Variants in NISCH observed in about 807,000 individuals in gnomAD.
NISCH encodes the protein nischarin.
Under a neutral mutation model 138.4 loss-of-function variants are expected in NISCH, and 55 were observed. That is an observed-to-expected ratio of 0.40 (90% CI 0.32 to 0.50). The LOEUF is 0.50. Ranked by LOEUF, NISCH falls within the 20% of genes least tolerant of loss-of-function variation. The pLI, the probability that NISCH is intolerant of heterozygous loss-of-function variation, is 0.71. For missense variants in NISCH, 1,643 were observed against 2,005.5 expected (o/e 0.82, Z 3.45); for synonymous variants, 860 against 861.5 (o/e 1.00, Z 0.03).
chr3:52,461,875 A>G (rs1190130326), intron 3 of NISCH, among the ~76,000 whole-genome samples: 1 of 152,066 alleles, frequency 6.6e-6, no homozygotes, highest in Non-Finnish European at 1.5e-5. Context: ...AAAAAAAAAA[A>G]AAAGAAATAT....
intron 5 of NISCH, 52 bp downstream of exon 5, chr3:52,472,029 A>G (rs1289349997): frequency 6.6e-7 from 1 of 1,517,596 alleles, no homozygotes; most frequent in Non-Finnish European, 8.9e-7. Flanking sequence ...GTGGGGGTGC[A>G]ACCTGCGGGG....
intron 6 of NISCH, 45 bp downstream of exon 6, chr3:52,472,443 G>T (rs1407252805): frequency 6.6e-7 from 1 of 1,509,670 alleles, no homozygotes; most frequent in Admixed American, 1.7e-5. Context: ...CCAACTCAGA[G>T]GCTAGAGAGT....
intron 8 of NISCH, 97 bp from the exon 9 acceptor site, chr3:52,477,477 G>C (rs577374147): frequency 2.0e-6 from 2 of 988,404 alleles, no homozygotes; most frequent in African/African-American, 3.2e-5. Context: ...GTCCATGGTC[G>C]GGAGGAAGCG....
chr3:52,466,744 G>A (rs1459990685), intron 3 of NISCH, among the ~76,000 whole-genome samples: 1 of 152,056 alleles, frequency 6.6e-6, no homozygotes, highest in Non-Finnish European at 1.5e-5. Context: ...GGTTTGCATT[G>A]AGTGTAGGTG....
intron 6 of NISCH, 50 bp downstream of exon 6, chr3:52,472,448 G>A: frequency 2.0e-6 from 3 of 1,497,040 alleles, no homozygotes; most frequent in Non-Finnish European, 2.8e-6. Flanking sequence ...TCAGAGGCTA[G>A]AGAGTGTTTG....
At position 52,487,904 on chromosome 3, in the gene NISCH, C is replaced by T. The variant is rs17052200; in HGVS notation, c.2412C>T (p.His804=). The change falls in exon 16 of 21, where the codon CAC becomes CAT. Residue 804 remains histidine, a synonymous_variant. Transcript: ENST00000345716. The surrounding 1 kb of genome is among the most constrained non-coding windows in gnomAD (Gnocchi z 9.1). ...ISDAANLHEF[H]ADLRSCFAPQ... is the part of the protein sequence containing the mutation. ...ACGCCGCCAACCTGCACGAGTTCCA[C>T]GCGGACCTGCGCTCATGCTTTGCAC... 0.015 allele frequency: 24,142 copies of T among 1,611,806 alleles called. 368 individuals are homozygous for T. Among genetic ancestry groups the T allele is most frequent in the South Asian group, 0.053 (4,843 of 91,052 alleles).
At chr3:52,472,445 C>A in intron 6 of NISCH, 47 bp downstream of exon 6, 1 of 1,502,252 alleles carries the variant, frequency 6.7e-7, no homozygotes, top group Non-Finnish European at 9.3e-7. Flanking sequence ...AACTCAGAGG[C>A]TAGAGAGTGT....
intron 3 of NISCH, 34 bp from the exon 4 acceptor site, chr3:52,470,825 G>A (rs760603755): frequency 4.9e-5 from 79 of 1,608,756 alleles, no homozygotes; most frequent in Non-Finnish European, 6.5e-5. Flanking sequence ...GGGTCAGGTG[G>A]ACTTTCTAAG....
At chr3:52,485,673 G>A (rs1398152984) in intron 14 of NISCH, 105 bp from the exon 15 acceptor site, 2 of 1,272,454 alleles carry the variant, frequency 1.6e-6, no homozygotes, top group African/African-American at 1.5e-5. Flanking sequence ...AGCCTCCTCA[G>A]GGCGGTGATG....
At position 52,487,611 on chromosome 3, in the gene NISCH, A is replaced by T. The variant is rs759919799; in HGVS notation, c.2119A>T (p.Ile707Phe). 1 of 1,613,918 alleles carries T rather than the reference A, an allele frequency of 6.2e-7. No individual in the cohort carries two copies. The highest frequency in any genetic ancestry group is 8.5e-7 in the Non-Finnish European group (1 of 1,179,994). The change falls in exon 16 of 21, where the codon ATC (isoleucine) becomes TTC (phenylalanine). Residue 707 changes from isoleucine (I) to phenylalanine (F), a missense_variant. By Grantham distance (21) the Ile-to-Phe change is conservative. Coordinates refer to ENST00000345716, the MANE Select transcript of NISCH (RefSeq NM_007184.4). The surrounding 1 kb of genome is among the most constrained non-coding windows in gnomAD (Gnocchi z 9.1). ...DEDFLLEHIR[I>F]LKVLWCFLIH... ...GGACTTCCTGCTGGAGCACATCCGC[A>T]TCCTCAAGGTGCTGTGGTGCTTCCT... is the stretch of plus-strand genomic sequence containing the variant.
Position 52,484,571 on chromosome 3 carries a change from G to T in NISCH, c.1587G>T (p.Leu529=), listed in dbSNP as rs376637823. The T allele has an allele frequency of 5.0e-6, 8 of 1,612,480 alleles. No homozygotes were observed. The highest frequency in any genetic ancestry group is 6.8e-6 in the Non-Finnish European group (8 of 1,179,602). ...LASSLSSTDS[L]TPEHQPIAQG... Reference sequence around the variant, plus strand: ...GCAGCCTCTCGTCCACTGACAGTCTGACTCCCGAGCACCAGCCCATTGCCC... The same window carrying T: ...GCAGCCTCTCGTCCACTGACAGTCTTACTCCCGAGCACCAGCCCATTGCCC... The change falls in exon 14 of 21, where the codon CTG becomes CTT. Residue 529 remains leucine (L), a synonymous_variant. Coordinates refer to ENST00000345716, the MANE Select transcript of NISCH (RefSeq NM_007184.4).
At chr3:52,490,863 T>A in intron 19 of NISCH, 30 bp downstream of exon 19, 1 of 1,612,776 alleles carries the variant, frequency 6.2e-7, no homozygotes, top group East Asian at 2.2e-5. Flanking sequence ...TTGTCCTATT[T>A]CGGGTGAAGG....
At chr3:52,482,266 G>A (rs976710925) in intron 13 of NISCH, among the ~76,000 whole-genome samples, 19 of 152,330 alleles carry the variant, frequency 1.2e-4, no homozygotes, top group Non-Finnish European at 2.1e-4. Flanking sequence ...CCTGATTCCC[G>A]AGAAGGGAGC....
intron 1 of NISCH, 64 bp downstream of exon 1, chr3:52,455,798 G>T (rs1352848656): frequency 1.7e-6 from 2 of 1,183,092 alleles, no homozygotes; most frequent in Non-Finnish European, 2.2e-6. Context: ...CCGACTCGGG[G>T]GCTTGGGGAG....
chr3:52,465,959 T>G (rs553335703), intron 3 of NISCH, among the ~76,000 whole-genome samples: 2 of 152,358 alleles, frequency 1.3e-5, no homozygotes, highest in African/African-American at 4.8e-5. Flanking sequence ...GAAAGGTGTT[T>G]ATATTGTTGT....
chr3:52,455,748 G>C lies in NISCH; in HGVS notation c.93+14G>C. 1 of 1,344,676 alleles carries C rather than the reference G, an allele frequency of 7.4e-7. No individual in the cohort carries two copies. Among genetic ancestry groups the C allele is most frequent in the Non-Finnish European group, 9.6e-7 (1 of 1,037,378 alleles). The allele number at this position is 1,344,676 out of a possible 1,614,324, so 83.3% of individuals were successfully genotyped here. A position where few individuals can be genotyped will look rare whatever the true frequency, so the allele number is the denominator to read the frequency against. On this transcript the variant is annotated intron_variant, in intron 1 of 20. Transcript: ENST00000345716. ...GACACTTATACGGTGTGTTGGGGGC[G>C]CGGGCACCCGAAGCGGGGGTGGTGG...
chr3:52,459,302 C>G (rs904421421), intron 3 of NISCH, among the ~76,000 whole-genome samples: 8 of 152,164 alleles, frequency 5.3e-5, no homozygotes, highest in African/African-American at 1.9e-4. Context: ...AGGGTGGACA[C>G]CTTCCTGTGA....
rs1013646079 is a variant in NISCH, at chr3:52,487,130, T to TGTGGCAG, written c.1704-61_1704-55dup. The TGTGGCAG allele has an allele frequency of 8.5e-6, 13 of 1,536,622 alleles. No homozygotes were observed. The highest frequency in any genetic ancestry group is 9.7e-6 in the Non-Finnish European group (11 of 1,134,188). ...TCAGGGTGTAGCAGTGGGCTCCAGA[T>TGTGGCAG]GTGGCAGGTGGGAGGTGGGAGGGGC... On this transcript the variant is annotated intron_variant, in intron 15 of 20. Transcript: ENST00000345716. The surrounding 1 kb of genome is among the most constrained non-coding windows in gnomAD (Gnocchi z 9.1).
intron 3 of NISCH, among the ~76,000 whole-genome samples, chr3:52,468,382 T>G (rs537272477): frequency 2.6e-5 from 4 of 152,224 alleles, no homozygotes; most frequent in South Asian, 2.1e-4. Context: ...CTTGGGGAAT[T>G]GAGGTGGGCA....
Sources: gnomAD v4.1 joint callset for allele counts (sites outside exome capture counted in the v4.1 genomes callset) on GRCh38, gnomAD v4.1.1 for gene constraint, Gnocchi (gnomAD v3.1) non-coding constraint, MANE v1.5 for transcripts, NCBI Gene and HGNC (gene_info 2026-07-23, HGNC 2026-07-21) for gene names.